The following COL26A1 variants were observed in gnomAD, a reference collection of about 807,000 sequenced individuals.
COL26A1 encodes the protein collagen type XXVI alpha 1 chain, also known as collagen alpha-1(XXVI) chain.
In COL26A1, 41 loss-of-function variants were observed where a neutral mutation model predicts 59.3. The ratio of observed to expected loss-of-function variants is 0.69; its 90% confidence interval spans 0.54 to 0.90. The LOEUF is 0.90. Among genes scored for constraint, COL26A1 ranks in the 40% least tolerant of loss-of-function variants. The probability of loss-of-function intolerance (pLI) is 0.00; values close to 1 mark genes in which losing one functional copy is unlikely to be tolerated. For missense variants in COL26A1, 612 were observed against 602.3 expected (o/e 1.02, Z -0.17); for synonymous variants, 266 against 256.0 (o/e 1.04, Z -0.37).
intron 1 of COL26A1, among the ~76,000 whole-genome samples, chr7:101,417,499 T>C (rs958670056): frequency 7.0e-6 from 1 of 143,382 alleles, no homozygotes; most frequent in Non-Finnish European, 1.5e-5. Context: ...CCTAATATCT[T>C]TTTTTTTTTT....
chr7:101,541,834 AT>A (rs1210210112), intron 5 of COL26A1, among the ~76,000 whole-genome samples: 2 of 152,206 alleles, frequency 1.3e-5, no homozygotes, highest in Non-Finnish European at 2.9e-5. Context: ...CCTGGAGGAC[AT>A]TTAGCAAACA....
At position 101,486,289 on chromosome 7, in the gene COL26A1, C is replaced by T. The variant is rs191204773; in HGVS notation, c.385+38502C>T. 4.4e-3 allele frequency among the ~76,000 whole-genome samples: 668 copies of T among 152,282 alleles called. 22 individuals carry two copies. The highest frequency in any genetic ancestry group is 0.038 in the Admixed American group (576 of 15,292). On this transcript the variant is annotated intron_variant, in intron 3 of 12. Coordinates refer to ENST00000313669, the MANE Select transcript of COL26A1 (RefSeq NM_001278563.3). ...GGGAACAGACAGCGATCTTCAGTTT[C>T]ACAAGGGGACTAAGCTCAACTGTTC...
At position 101,557,379 on chromosome 7, in the gene COL26A1, C is replaced by T; in HGVS notation, c.1175C>T (p.Ala392Val). 1 of 1,612,852 alleles carries T rather than the reference C, an allele frequency of 6.2e-7. No homozygotes were observed. The highest frequency in any genetic ancestry group is 8.5e-7 in the Non-Finnish European group (1 of 1,179,166). Residue 392 changes from alanine (A) to valine (V), a missense_variant, in exon 13 of 13, where the codon GCC becomes GTC. Ala to Val is a moderately conservative substitution (Grantham distance 64). Coordinates refer to ENST00000313669, the MANE Select transcript of COL26A1 (RefSeq NM_001278563.3). ...EHMIGIHDPL[A>V]SPEGGSGQDA... ...CCTGCTCTCCTTCCAGATCCCCTGG[C>T]CTCCCCAGAGGGAGGTTCTGGCCAG...
intron 2 of COL26A1, among the ~76,000 whole-genome samples, chr7:101,445,883 A>G (rs1793181391): frequency 6.6e-6 from 1 of 151,026 alleles, no homozygotes; most frequent in East Asian, 2.0e-4. Flanking sequence ...CCCTGTCTCT[A>G]CTAAAAGTAC....
At chr7:101,400,347 T>C (rs1791963435) in intron 1 of COL26A1, among the ~76,000 whole-genome samples, 1 of 146,440 alleles carries the variant, frequency 6.8e-6, no homozygotes, top group Non-Finnish European at 1.5e-5. Context: ...CTTTCTTTTT[T>C]TTCCTATTTT....
At chr7:101,510,817 G>C (rs1321960353) in intron 3 of COL26A1, among the ~76,000 whole-genome samples, 3 of 152,142 alleles carry the variant, frequency 2.0e-5, no homozygotes, top group Non-Finnish European at 1.5e-5. Flanking sequence ...ACTGTGTCTG[G>C]CTAATGGGGG....
intron 3 of COL26A1, among the ~76,000 whole-genome samples, chr7:101,506,347 A>G (rs1213650250): frequency 6.6e-6 from 1 of 152,260 alleles, no homozygotes; most frequent in African/African-American, 2.4e-5. Flanking sequence ...GAATCGGAGA[A>G]GAGAGAGTCA....
At chr7:101,458,615 C>G (rs1444395920) in intron 3 of COL26A1, among the ~76,000 whole-genome samples, 1 of 151,670 alleles carries the variant, frequency 6.6e-6, no homozygotes, top group East Asian at 1.9e-4. Context: ...CACCACGGCA[C>G]TCCAGCCTGG....
At chr7:101,437,247 A>G (rs1408226955) in intron 2 of COL26A1, among the ~76,000 whole-genome samples, 2 of 152,122 alleles carry the variant, frequency 1.3e-5, no homozygotes, top group Non-Finnish European at 2.9e-5. Context: ...GTAGGGTGGA[A>G]GGGACCGAGT....
intron 2 of COL26A1, 80 bp from the exon 3 acceptor site, chr7:101,447,604 C>T (rs1793229242): frequency 2.0e-6 from 2 of 1,000,814 alleles, no homozygotes; most frequent in Non-Finnish European, 3.1e-6. Flanking sequence ...GGCAAAACAG[C>T]CTGGCCCATC....
intron 3 of COL26A1, among the ~76,000 whole-genome samples, chr7:101,455,905 C>T (rs144189126): frequency 0.049 from 7,515 of 151,894 alleles, 256 homozygotes; most frequent in Non-Finnish European, 0.074. Context: ...AGGCTGGTCT[C>T]GAACTCCTGA....
intron 3 of COL26A1, among the ~76,000 whole-genome samples, chr7:101,451,993 C>T (rs976692310): frequency 9.2e-5 from 14 of 152,144 alleles, no homozygotes; most frequent in Admixed American, 3.3e-4. Context: ...AGGCGTGAGC[C>T]ACCGCGCACA....
chr7:101,445,858 G>A (rs1438712919), intron 2 of COL26A1, among the ~76,000 whole-genome samples: 2 of 151,450 alleles, frequency 1.3e-5, no homozygotes, highest in East Asian at 3.9e-4. Flanking sequence ...GAGCATCCTG[G>A]CCAACAAGGT....
chr7:101,502,041 A>T (rs1049380878), intron 3 of COL26A1, among the ~76,000 whole-genome samples: 9 of 152,202 alleles, frequency 5.9e-5, no homozygotes, highest in African/African-American at 1.9e-4. Flanking sequence ...GCTCCCTAGA[A>T]AAATCTAGTT....
chr7:101,463,190 A>G (rs1793655222), intron 3 of COL26A1, among the ~76,000 whole-genome samples: 5 of 152,210 alleles, frequency 3.3e-5, no homozygotes, highest in African/African-American at 1.2e-4. Context: ...TTGCACACAC[A>G]TTGTAATAAA....
At chr7:101,414,942 G>C (rs1461722432) in intron 1 of COL26A1, among the ~76,000 whole-genome samples, 1 of 152,208 alleles carries the variant, frequency 6.6e-6, no homozygotes, top group Non-Finnish European at 1.5e-5. Flanking sequence ...TTGCAGCTCA[G>C]CCTGTGGTTT....
chr7:101,489,653 CTTT>C lies in COL26A1; in HGVS notation c.385+41867_385+41869del, dbSNP rs1563007237. ...TCTTTCTTTCTTTCTTTCTTTCTTT[CTTT>C]CTTTCTTCCTTCCTTCCTTCCTTCC... On this transcript the variant is annotated intron_variant, in intron 3 of 12. Transcript: ENST00000313669. Among the ~76,000 whole-genome samples the C allele has an allele frequency of 1.1e-3, 79 of 74,946 alleles. 5 individuals carry two copies. Among genetic ancestry groups the C allele is most frequent in the Admixed American group, 3.0e-3 (25 of 8,330 alleles). The allele number at this position is 74,946 out of a possible 152,430, so 49.2% of individuals were successfully genotyped here. A position where few individuals can be genotyped will look rare whatever the true frequency, so the allele number is the denominator to read the frequency against.
intron 3 of COL26A1, among the ~76,000 whole-genome samples, chr7:101,477,733 T>C (rs34351869): frequency 0.14 from 21,854 of 152,194 alleles, 2,044 homozygotes; most frequent in Non-Finnish European, 0.21. Context: ...ATCCTCTTTC[T>C]TTGAGACTTT....
At chr7:101,388,490 A>G (rs1313442731) in intron 1 of COL26A1, among the ~76,000 whole-genome samples, 1 of 151,662 alleles carries the variant, frequency 6.6e-6, no homozygotes, top group Non-Finnish European at 1.5e-5. Context: ...AGACAAACAA[A>G]AAGCCCCGAA....
Sources: allele counts gnomAD v4.1 joint callset (sites outside exome capture counted in the v4.1 genomes callset), GRCh38; gene constraint gnomAD v4.1.1; transcripts MANE v1.5; gene names NCBI Gene and HGNC (gene_info 2026-07-23, HGNC 2026-07-21).